The following ADAMTSL3 variants were observed in gnomAD, a reference collection of about 807,000 sequenced individuals.
ADAMTSL3 encodes the protein ADAMTS-like protein 3.
ADAMTSL3 carries 128 observed loss-of-function variants against 201.7 expected under a neutral mutation model. The ratio of observed to expected loss-of-function variants is 0.63; its 90% confidence interval spans 0.55 to 0.73. The LOEUF is 0.73. Among genes scored for constraint, ADAMTSL3 ranks in the 30% least tolerant of loss-of-function variants. The pLI is 0.00. For synonymous variants in ADAMTSL3, 738 were observed against 748.4 expected (o/e 0.99, Z 0.23); for missense variants, 1,990 against 2,119.6 (o/e 0.94, Z 1.20).
Position 83,838,181 on chromosome 15 carries a change from G to A in ADAMTSL3, c.693G>A (p.Arg231=), listed in dbSNP as rs958398451. The A allele has an allele frequency of 6.2e-7, 1 of 1,613,132 alleles. No homozygotes were observed. The highest frequency in any genetic ancestry group is 1.3e-5 in the African/African-American group (1 of 74,952). ...AGDGSTCRLV[R]GQSKSHVSPE... ...ATGGCTCCACCTGCAGGCTTGTACG[G>A]GGACAATCAAAGTCACACGTTTCTC... Residue 231 remains arginine (R), a synonymous_variant, in exon 7 of 30, where the codon CGG becomes CGA. Transcript: ENST00000286744.
chr15:83,895,046 C>A (rs1006687469), intron 13 of ADAMTSL3, among the ~76,000 whole-genome samples: 3 of 151,990 alleles, frequency 2.0e-5, no homozygotes, highest in Admixed American at 6.6e-5. Flanking sequence ...GTTTTGTTTG[C>A]CTTTGCATGT....
At chr15:83,979,223 G>T (rs775361798) in intron 20 of ADAMTSL3, among the ~76,000 whole-genome samples, 1 of 152,142 alleles carries the variant, frequency 6.6e-6, no homozygotes, top group African/African-American at 2.4e-5. Flanking sequence ...TGAAACAATC[G>T]ATCTCCACAT....
chr15:84,001,206 A>G (rs891297194), intron 23 of ADAMTSL3, among the ~76,000 whole-genome samples: 3 of 152,194 alleles, frequency 2.0e-5, no homozygotes, highest in Non-Finnish European at 4.4e-5. Flanking sequence ...CGGATGCGTC[A>G]TTAATTGAGG....
At chr15:83,823,271 T>C (rs1001208413) in intron 6 of ADAMTSL3, among the ~76,000 whole-genome samples, 4 of 151,838 alleles carry the variant, frequency 2.6e-5, no homozygotes, top group African/African-American at 9.7e-5. Context: ...ATAATGAATG[T>C]GTCTAGTATT....
At chr15:83,831,128 C>T (rs908403915) in intron 6 of ADAMTSL3, among the ~76,000 whole-genome samples, 7 of 152,178 alleles carry the variant, frequency 4.6e-5, no homozygotes, top group African/African-American at 7.2e-5. Flanking sequence ...TCTCTGCCTT[C>T]GTCTGCACCT....
At position 83,884,338 on chromosome 15, in the gene ADAMTSL3, C is replaced by CCTTTTTTTTT. The variant is rs1305026027; in HGVS notation, c.961-763_961-762insCTTTTTTTTT. On this transcript the variant is annotated intron_variant, in intron 9 of 29. Coordinates refer to ENST00000286744, the MANE Select transcript of ADAMTSL3 (RefSeq NM_207517.3). ...TGTTACCTCATTGGTGCCCTATTTC[C>CCTTTTTTTTT]TTTTTTTTTTTTTTTTTTTTTTGAG... 7.9e-5 allele frequency among the ~76,000 whole-genome samples: 9 copies of CCTTTTTTTTT among 114,464 alleles called. 3 individuals are homozygous for CCTTTTTTTTT. Among genetic ancestry groups the CCTTTTTTTTT allele is most frequent in the African/African-American group, 1.0e-4 (3 of 28,920 alleles). 75.1% of individuals were successfully genotyped at this position (114,464 alleles called of 152,430 possible).
chr15:83,729,996 A>G (rs2062240031), intron 3 of ADAMTSL3, among the ~76,000 whole-genome samples: 2 of 152,096 alleles, frequency 1.3e-5, no homozygotes, highest in Non-Finnish European at 1.5e-5. Context: ...CCCAAGCCCA[A>G]TAACCCTGTG....
rs2063731532 is a variant in ADAMTSL3, at chr15:83,813,681, G to A, written c.364-6130G>A. Among the ~76,000 whole-genome samples the A allele has an allele frequency of 4.6e-5, 7 of 152,266 alleles. No individual in the cohort carries two copies. In the South Asian group the frequency reaches 1.5e-3, roughly 32 times the overall value. ...GGGGAGATGGGGATTTGGGCTTTGGGCCTGAAAGATTATGGAACAGAACAT... is the reference window on the plus strand; with the variant it reads ...GGGGAGATGGGGATTTGGGCTTTGGACCTGAAAGATTATGGAACAGAACAT... On this transcript the variant is annotated intron_variant, in intron 5 of 29. Coordinates refer to ENST00000286744, the MANE Select transcript of ADAMTSL3 (RefSeq NM_207517.3).
At chr15:83,981,313 C>T (rs971351558) in intron 20 of ADAMTSL3, among the ~76,000 whole-genome samples, 3 of 152,174 alleles carry the variant, frequency 2.0e-5, no homozygotes, top group Non-Finnish European at 4.4e-5. Context: ...TAAGAGGAGC[C>T]GATCGATGCC....
At chr15:83,837,168 A>G (rs1178928544) in intron 6 of ADAMTSL3, among the ~76,000 whole-genome samples, 1 of 151,996 alleles carries the variant, frequency 6.6e-6, no homozygotes, top group South Asian at 2.1e-4. Flanking sequence ...TATTTTTTAT[A>G]TTTTAAAAAT....
chr15:83,884,724 T>TG (rs2141868443), intron 9 of ADAMTSL3, among the ~76,000 whole-genome samples: 1 of 152,330 alleles, frequency 6.6e-6, no homozygotes, highest in South Asian at 2.1e-4. Context: ...CTCCACTATG[T>TG]GCTATATTGT....
chr15:83,861,731 A>AAC (rs1179589656), intron 8 of ADAMTSL3: 2 of 152,254 alleles, frequency 1.3e-5, no homozygotes, highest in Non-Finnish European at 2.9e-5. Flanking sequence ...CCTCCAAAGG[A>AAC]ACACAGCTCC....
intron 2 of ADAMTSL3, among the ~76,000 whole-genome samples, chr15:83,683,768 C>T (rs998074079): frequency 3.3e-5 from 5 of 152,164 alleles, no homozygotes; most frequent in Admixed American, 1.3e-4. Context: ...AGGTCAGTAG[C>T]GCTCCATTCC....
intron 16 of ADAMTSL3, among the ~76,000 whole-genome samples, chr15:83,917,278 A>G (rs11852757): frequency 0.12 from 18,631 of 152,298 alleles, 1,313 homozygotes; most frequent in East Asian, 0.35. Flanking sequence ...GGAAATAAGA[A>G]TAAATCCATT....
intron 19 of ADAMTSL3, among the ~76,000 whole-genome samples, chr15:83,951,499 G>A (rs1273663075): frequency 6.6e-6 from 1 of 152,046 alleles, no homozygotes; most frequent in African/African-American, 2.4e-5. Context: ...TTTTTGTCTG[G>A]TTTTGGTATC....
chr15:83,812,409 C>A (rs935340519), intron 5 of ADAMTSL3, among the ~76,000 whole-genome samples: 2 of 152,102 alleles, frequency 1.3e-5, no homozygotes, highest in Admixed American at 1.3e-4. Context: ...AAGGAAGTTG[C>A]CTTTAGTGAT....
intron 4 of ADAMTSL3, among the ~76,000 whole-genome samples, chr15:83,777,594 A>C (rs532603397): frequency 6.6e-6 from 1 of 152,328 alleles, no homozygotes; most frequent in South Asian, 2.1e-4. Context: ...TTAAAAAAAT[A>C]GGATAAAAGA....
At chr15:84,004,346 T>A (rs1441117697) in intron 23 of ADAMTSL3, among the ~76,000 whole-genome samples, 1 of 152,156 alleles carries the variant, frequency 6.6e-6, no homozygotes, top group Non-Finnish European at 1.5e-5. Context: ...CGCCAGAAGA[T>A]TCTAATGTGC....
intron 2 of ADAMTSL3, among the ~76,000 whole-genome samples, chr15:83,656,747 A>G (rs2061089691): frequency 6.6e-6 from 1 of 152,196 alleles, no homozygotes; most frequent in South Asian, 2.1e-4. Flanking sequence ...CTTCTCAAAT[A>G]CATGGCTTGG....
Sources: allele counts gnomAD v4.1 joint callset (sites outside exome capture counted in the v4.1 genomes callset), GRCh38; gene constraint gnomAD v4.1.1; transcripts MANE v1.5; gene names NCBI Gene and HGNC (gene_info 2026-07-23, HGNC 2026-07-21).